FHIT: variants seen among roughly 807,000 people sequenced by gnomAD.
FHIT encodes bis(5'-adenosyl)-triphosphatase.
Under a neutral mutation model 17.9 loss-of-function variants are expected in FHIT, and 19 were observed. The observed-to-expected ratio is 1.06, with a 90% CI of 0.74 to 1.56. The LOEUF (loss-of-function observed/expected upper bound fraction) is 1.56. FHIT is among the 40% of genes most tolerant of loss of function. The pLI is 0.00. For synonymous variants in FHIT, 81 were observed against 69.7 expected (o/e 1.16, Z -0.81); for missense variants, 248 against 189.2 (o/e 1.31, Z -1.82).
intron 3 of FHIT, among the ~76,000 whole-genome samples, chr3:60,907,629 G>A (rs1706505610): frequency 6.6e-6 from 1 of 152,012 alleles, no homozygotes; most frequent in South Asian, 2.1e-4. Flanking sequence ...AAATGTCAGG[G>A]GGTAATATGA....
intron 4 of FHIT, among the ~76,000 whole-genome samples, chr3:60,747,597 A>G (rs1236457627): frequency 6.6e-6 from 1 of 152,228 alleles, no homozygotes; most frequent in African/African-American, 2.4e-5. Context: ...TATGAAAGAA[A>G]ATAAAAAATT....
chr3:60,317,549 T>C (rs530891639), intron 5 of FHIT, among the ~76,000 whole-genome samples: 17 of 148,580 alleles, frequency 1.1e-4, no homozygotes, highest in Admixed American at 6.7e-4. Flanking sequence ...ATATTGGAAA[T>C]ATATATACAT....
chr3:60,641,836 A>G (rs1553685371), intron 4 of FHIT, among the ~76,000 whole-genome samples: 1 of 152,156 alleles, frequency 6.6e-6, no homozygotes, highest in Non-Finnish European at 1.5e-5. Context: ...TTGAAGAGAA[A>G]TAAACTATTT....
chr3:61,063,003 T>A (rs1422067155), intron 2 of FHIT, among the ~76,000 whole-genome samples: 1 of 152,024 alleles, frequency 6.6e-6, no homozygotes, highest in African/African-American at 2.4e-5. Context: ...TTCGTCAAGA[T>A]TAGTTTTAAG....
At chr3:61,134,723 G>A (rs1378962987) in intron 2 of FHIT, among the ~76,000 whole-genome samples, 1 of 152,040 alleles carries the variant, frequency 6.6e-6, no homozygotes, top group Non-Finnish European at 1.5e-5. Flanking sequence ...GGTGTAAAAA[G>A]GGAAGAGCAA....
chr3:60,500,670 G>A (rs1157618477), intron 5 of FHIT, among the ~76,000 whole-genome samples: 2 of 150,934 alleles, frequency 1.3e-5, no homozygotes, highest in East Asian at 1.9e-4. Flanking sequence ...CTACTAGGGA[G>A]GCTGAGGCAG....
intron 7 of FHIT, among the ~76,000 whole-genome samples, chr3:59,968,152 G>T: frequency 6.6e-6 from 1 of 152,046 alleles, no homozygotes; most frequent in Non-Finnish European, 1.5e-5. Context: ...CATTTTTAGT[G>T]TATAATCAGG....
rs143146150 is a variant in FHIT, at chr3:60,292,123, G to A, written c.103+244737C>T. 8.6e-3 allele frequency among the ~76,000 whole-genome samples: 1,311 copies of A among 152,200 alleles called. 10 individuals are homozygous for A. Among genetic ancestry groups the A allele is most frequent in the Middle Eastern group, 0.02 (6 of 294 alleles). On this transcript the variant is annotated intron_variant, in intron 5 of 9. Coordinates refer to ENST00000492590, the MANE Select transcript of FHIT (RefSeq NM_002012.4). ...TGAAGCTGTGGCGCCAACCTTGCCA[G>A]GTGAACTGTTATTGAGCTCAAGGTA... is the stretch of plus-strand genomic sequence containing the variant.
At chr3:60,422,534 A>G (rs1297140002) in intron 5 of FHIT, among the ~76,000 whole-genome samples, 1 of 152,084 alleles carries the variant, frequency 6.6e-6, no homozygotes, top group Non-Finnish European at 1.5e-5. Flanking sequence ...TGTTGTTGTT[A>G]TTGCTATTGT....
intron 5 of FHIT, among the ~76,000 whole-genome samples, chr3:60,458,347 C>T (rs573262314): frequency 3.1e-4 from 47 of 151,332 alleles, no homozygotes; most frequent in African/African-American, 8.5e-4. Context: ...AACCAAACAC[C>T]GCATGTTCTC....
intron 3 of FHIT, among the ~76,000 whole-genome samples, chr3:61,020,341 G>C (rs751077316): frequency 9.9e-5 from 15 of 152,132 alleles, no homozygotes; most frequent in Non-Finnish European, 2.9e-5. Flanking sequence ...GTCTTCTTTT[G>C]AGAAGTGTTT....
intron 8 of FHIT, among the ~76,000 whole-genome samples, chr3:59,820,827 C>G (rs769760074): frequency 6.6e-6 from 1 of 152,034 alleles, no homozygotes; most frequent in Admixed American, 6.6e-5. Flanking sequence ...GAACAATGTG[C>G]GAGACACAAC....
intron 5 of FHIT, among the ~76,000 whole-genome samples, chr3:60,290,918 G>T (rs1215570530): frequency 1.3e-5 from 2 of 152,190 alleles, no homozygotes; most frequent in African/African-American, 4.8e-5. Flanking sequence ...GGCAGCTCAT[G>T]GGGGCTGGAG....
intron 8 of FHIT, among the ~76,000 whole-genome samples, chr3:59,776,589 G>A (rs1297239214): frequency 1.3e-5 from 2 of 152,096 alleles, no homozygotes; most frequent in African/African-American, 4.8e-5. Context: ...AAAGAACCAT[G>A]TGCCCCCTGA....
intron 5 of FHIT, among the ~76,000 whole-genome samples, chr3:60,337,412 TA>T (rs1710297448): frequency 6.6e-6 from 1 of 152,206 alleles, no homozygotes; most frequent in Non-Finnish European, 1.5e-5. Flanking sequence ...CTCTAAAATT[TA>T]AATGAAGTAA....
At chr3:59,752,527 A>AATC (rs964008569) in intron 8 of FHIT, among the ~76,000 whole-genome samples, 1 of 152,166 alleles carries the variant, frequency 6.6e-6, no homozygotes, top group African/African-American at 2.4e-5. Flanking sequence ...GCCATCTTGT[A>AATC]ATCATCTACT....
intron 4 of FHIT, among the ~76,000 whole-genome samples, chr3:60,703,304 G>C (rs544892291): frequency 6.6e-6 from 1 of 152,248 alleles, no homozygotes; most frequent in South Asian, 2.1e-4. Flanking sequence ...CTGGTACCTT[G>C]ATTTTGAACC....
At chr3:60,583,232 C>T (rs782630980) in intron 4 of FHIT, among the ~76,000 whole-genome samples, 87 of 151,912 alleles carry the variant, frequency 5.7e-4, no homozygotes, top group Non-Finnish European at 1.8e-4. Flanking sequence ...CTCTTCATTT[C>T]TTATGCAAAC....
At chr3:59,920,777 T>G (rs1422850128) in intron 8 of FHIT, among the ~76,000 whole-genome samples, 1 of 152,380 alleles carries the variant, frequency 6.6e-6, no homozygotes, top group East Asian at 1.9e-4. Context: ...ATAATTACTC[T>G]ATAATTCTGA....
Sources: allele counts gnomAD v4.1 joint callset (sites outside exome capture counted in the v4.1 genomes callset), GRCh38; gene constraint gnomAD v4.1.1; transcripts MANE v1.5; gene names NCBI Gene and HGNC (gene_info 2026-07-23, HGNC 2026-07-21).